Variants in PDSS2 observed in about 807,000 individuals in gnomAD.
PDSS2 encodes the protein decaprenyl diphosphate synthase subunit 2, also known as all trans-polyprenyl-diphosphate synthase PDSS2.
In PDSS2, 31 loss-of-function variants were observed where a neutral mutation model predicts 44.5. The observed-to-expected ratio is 0.70, with a 90% confidence interval of 0.52 to 0.94. The LOEUF (loss-of-function observed/expected upper bound fraction) is 0.94. PDSS2 is among the 40% of genes least tolerant of loss of function. The probability of loss-of-function intolerance (pLI) is 0.00; values close to 1 mark genes in which losing one functional copy is unlikely to be tolerated. For synonymous variants in PDSS2, 157 were observed against 180.3 expected (o/e 0.87, Z 1.03); for missense variants, 452 against 482.2 (o/e 0.94, Z 0.59).
intron 1 of PDSS2, among the ~76,000 whole-genome samples, chr6:107,413,567 G>T (rs1249776204): frequency 6.6e-6 from 1 of 152,042 alleles, no homozygotes; most frequent in African/African-American, 2.4e-5. Context: ...TGGGTTCAAA[G>T]GATTCTCCTG....
intron 3 of PDSS2, among the ~76,000 whole-genome samples, chr6:107,260,354 T>A (rs1775172876): frequency 6.6e-6 from 1 of 152,234 alleles, no homozygotes; most frequent in Non-Finnish European, 1.5e-5. Context: ...TTTTGTTGCG[T>A]ATTTACAACT....
At chr6:107,310,777 C>T (rs1255513484) in intron 2 of PDSS2, among the ~76,000 whole-genome samples, 4 of 152,168 alleles carry the variant, frequency 2.6e-5, no homozygotes, top group Non-Finnish European at 4.4e-5. Context: ...GCTAAATTTT[C>T]CCTGTTAATC....
At chr6:107,203,772 T>C (rs1181671471) in intron 6 of PDSS2, among the ~76,000 whole-genome samples, 2 of 152,122 alleles carry the variant, frequency 1.3e-5, no homozygotes, top group Non-Finnish European at 1.5e-5. Flanking sequence ...ACATTTTTAT[T>C]ACCCCAGAAG....
chr6:107,344,559 A>AG (rs760422578), intron 1 of PDSS2, among the ~76,000 whole-genome samples: 13 of 152,194 alleles, frequency 8.5e-5, no homozygotes, highest in African/African-American at 2.7e-4. Flanking sequence ...AGCAGGGCCA[A>AG]GAACTGCCTC....
At position 107,358,079 on chromosome 6, in the gene PDSS2, G is replaced by A. The variant is rs555460328; in HGVS notation, c.297-23747C>T. On this transcript the variant is annotated intron_variant, in intron 1 of 7. Coordinates refer to ENST00000369037, the MANE Select transcript of PDSS2 (RefSeq NM_020381.4). ...TTTGAGTGCTAAAATAATGCCATAA[G>A]TGGAATATTCTATACCTGACCTCAT... Among the ~76,000 whole-genome samples the A allele has an allele frequency of 2.6e-5, 4 of 152,236 alleles. No homozygotes were observed. In the East Asian group the frequency reaches 7.7e-4, roughly 29 times the overall value.
chr6:107,437,862 T>C (rs966867249), intron 1 of PDSS2, among the ~76,000 whole-genome samples: 1 of 152,196 alleles, frequency 6.6e-6, no homozygotes, highest in African/African-American at 2.4e-5. Context: ...GAAGATTCTT[T>C]CACTCTCGAC....
intron 3 of PDSS2, among the ~76,000 whole-genome samples, chr6:107,269,269 T>G (rs965706342): frequency 4.6e-5 from 7 of 152,076 alleles, no homozygotes; most frequent in African/African-American, 9.7e-5. Context: ...GTTGTCTCTA[T>G]GATTCTTTTC....
At chr6:107,402,688 A>G (rs941569653) in intron 1 of PDSS2, among the ~76,000 whole-genome samples, 1 of 151,250 alleles carries the variant, frequency 6.6e-6, no homozygotes, top group African/African-American at 2.4e-5. Context: ...GTACAGGGGA[A>G]TTGCCCTTTA....
At chr6:107,201,816 G>A (rs1222976570) in intron 6 of PDSS2, among the ~76,000 whole-genome samples, 1 of 152,050 alleles carries the variant, frequency 6.6e-6, no homozygotes, top group African/African-American at 2.4e-5. Flanking sequence ...AAATCTTCAA[G>A]GAAAACTACC....
intron 1 of PDSS2, among the ~76,000 whole-genome samples, chr6:107,388,142 TAAG>T (rs767002133): frequency 1.4e-4 from 22 of 152,030 alleles, no homozygotes; most frequent in Non-Finnish European, 2.8e-4. Context: ...CCACAATGCA[TAAG>T]AAGAGAAGAA....
At chr6:107,214,253 G>A (rs991776962) in intron 4 of PDSS2, among the ~76,000 whole-genome samples, 1 of 151,846 alleles carries the variant, frequency 6.6e-6, no homozygotes, top group Non-Finnish European at 1.5e-5. Context: ...ACAGGCGCCC[G>A]CCACCACGCC....
chr6:107,281,123 C>T (rs1775948269), intron 2 of PDSS2, among the ~76,000 whole-genome samples: 1 of 152,156 alleles, frequency 6.6e-6, no homozygotes, highest in African/African-American at 2.4e-5. Flanking sequence ...TGTTCCCTGA[C>T]TGGAATATGG....
chr6:107,392,117 T>C (rs7745716), intron 1 of PDSS2, among the ~76,000 whole-genome samples: 21,410 of 152,138 alleles, frequency 0.14, 1,642 homozygotes, highest in East Asian at 0.25. Context: ...AAAAATGACC[T>C]GAGAATTCAG....
At chr6:107,428,991 T>C (rs574141884) in intron 1 of PDSS2, among the ~76,000 whole-genome samples, 1 of 152,298 alleles carries the variant, frequency 6.6e-6, no homozygotes, top group African/African-American at 2.4e-5. Context: ...GGAGAACATA[T>C]GCCCAGTCTA....
At chr6:107,375,242 T>C (rs1779249846) in intron 1 of PDSS2, among the ~76,000 whole-genome samples, 1 of 150,642 alleles carries the variant, frequency 6.6e-6, no homozygotes, top group Admixed American at 6.6e-5. Context: ...AAAGCAAAAA[T>C]TGATAAAACA....
intron 1 of PDSS2, among the ~76,000 whole-genome samples, chr6:107,374,319 T>C (rs1272975710): frequency 3.3e-5 from 5 of 151,014 alleles, no homozygotes; most frequent in Admixed American, 1.3e-4. Flanking sequence ...TCTTATGTGG[T>C]GTTGCTAAAG....
chr6:107,316,095 T>C (rs1306524584), intron 2 of PDSS2, among the ~76,000 whole-genome samples: 1 of 152,230 alleles, frequency 6.6e-6, no homozygotes. Context: ...GGTCCACATA[T>C]GGTCAAATTT....
intron 2 of PDSS2, among the ~76,000 whole-genome samples, chr6:107,317,647 TCTC>T (rs1230322333): frequency 6.6e-6 from 1 of 152,182 alleles, no homozygotes; most frequent in Admixed American, 6.5e-5. Flanking sequence ...TTGGGTTACA[TCTC>T]CAACTCCTTA....
intron 2 of PDSS2, among the ~76,000 whole-genome samples, chr6:107,298,679 G>A (rs1776592526): frequency 6.6e-6 from 1 of 152,116 alleles, no homozygotes; most frequent in African/African-American, 2.4e-5. Context: ...ATATGTGTTT[G>A]TACAGATGCA....
Sources: gnomAD v4.1 joint callset for allele counts (sites outside exome capture counted in the v4.1 genomes callset) on GRCh38, gnomAD v4.1.1 for gene constraint, MANE v1.5 for transcripts, NCBI Gene and HGNC (gene_info 2026-07-23, HGNC 2026-07-21) for gene names.